The following CCDC178 variants were observed in gnomAD, a reference collection of about 807,000 sequenced individuals.
CCDC178 encodes the protein coiled-coil domain containing 178, also known as coiled-coil domain-containing protein 178.
A neutral mutation model predicts 117.4 loss-of-function variants in CCDC178; 126 were observed. The ratio of observed to expected loss-of-function variants is 1.07; its 90% CI spans 0.93 to 1.24. CCDC178 has a LOEUF of 1.24. Among genes scored for constraint, CCDC178 ranks in the 50% most tolerant of loss-of-function variants. The pLI is 0.00. For missense variants in CCDC178, 1,030 were observed against 986.9 expected, an observed-to-expected ratio of 1.04 and a Z score of -0.59; for synonymous variants, 283 against 313.4, an observed-to-expected ratio of 0.90 and a Z score of 1.02.
intron 3 of CCDC178, among the ~76,000 whole-genome samples, chr18:33,407,659 A>G (rs1352704242): frequency 6.6e-6 from 1 of 152,080 alleles, no homozygotes; most frequent in Admixed American, 6.6e-5. Context: ...ACACTATTGT[A>G]CAACAGTATT....
chr18:33,410,819 T>C (rs1483923651), intron 3 of CCDC178, among the ~76,000 whole-genome samples: 1 of 152,176 alleles, frequency 6.6e-6, no homozygotes, highest in Non-Finnish European at 1.5e-5. Flanking sequence ...ACAGAAATGA[T>C]AGGGCACCAG....
At chr18:33,420,347 A>G (rs1267057698) in intron 2 of CCDC178, among the ~76,000 whole-genome samples, 1 of 151,924 alleles carries the variant, frequency 6.6e-6, no homozygotes, top group Non-Finnish European at 1.5e-5. Flanking sequence ...ATAATTGTGG[A>G]TTTGCCATTA....
intron 6 of CCDC178, among the ~76,000 whole-genome samples, chr18:33,361,473 A>T (rs573245459): frequency 1.3e-5 from 2 of 151,844 alleles, no homozygotes; most frequent in South Asian, 4.1e-4. Flanking sequence ...GACTTCAAAG[A>T]CAAAAATACA....
chr18:33,151,254 T>C (rs1036946116), intron 20 of CCDC178, among the ~76,000 whole-genome samples: 12 of 151,248 alleles, frequency 7.9e-5, no homozygotes, highest in Non-Finnish European at 1.5e-4. Flanking sequence ...TAAATAGCAA[T>C]AAATAAATAA....
chr18:33,141,425 G>C (rs1244240913), intron 20 of CCDC178, among the ~76,000 whole-genome samples: 1 of 152,148 alleles, frequency 6.6e-6, no homozygotes, highest in Non-Finnish European at 1.5e-5. Flanking sequence ...TCTTCCTGCA[G>C]ATCAGAAGCA....
chr18:33,354,667 G>A (rs1190261183), intron 7 of CCDC178, among the ~76,000 whole-genome samples: 3 of 149,454 alleles, frequency 2.0e-5, no homozygotes, highest in African/African-American at 7.4e-5. Flanking sequence ...TTGGAATGCA[G>A]TGGCACGATC....
chr18:33,329,950 CTTTTT>C (rs1205443998), intron 10 of CCDC178, among the ~76,000 whole-genome samples: 3 of 64,490 alleles, frequency 4.7e-5, no homozygotes, highest in Non-Finnish European at 6.4e-5. Flanking sequence ...TGGTCCTGGG[CTTTTT>C]TTTTTTTTTT....
chr18:33,297,538 T>C (rs1000266640), intron 11 of CCDC178, among the ~76,000 whole-genome samples: 4 of 152,154 alleles, frequency 2.6e-5, no homozygotes, highest in East Asian at 1.9e-4. Flanking sequence ...GAGATTACTA[T>C]AAACAATTTA....
intron 20 of CCDC178, among the ~76,000 whole-genome samples, chr18:33,118,834 A>G (rs1370311576): frequency 6.6e-6 from 1 of 152,222 alleles, no homozygotes; most frequent in African/African-American, 2.4e-5. Context: ...TACTGGTACC[A>G]AAACAGAGAT....
intron 22 of CCDC178, among the ~76,000 whole-genome samples, chr18:32,964,275 T>C (rs1371448028): frequency 1.3e-5 from 2 of 152,136 alleles, no homozygotes; most frequent in East Asian, 1.9e-4. Context: ...AACTAAGCAT[T>C]TGTTTTCTTT....
intron 14 of CCDC178, among the ~76,000 whole-genome samples, chr18:33,258,461 G>A (rs938369610): frequency 4.6e-5 from 7 of 152,092 alleles, no homozygotes; most frequent in African/African-American, 1.7e-4. Context: ...AGGTGACACC[G>A]AATATTCTTG....
At chr18:32,952,031 G>A (rs1429479153) in intron 22 of CCDC178, among the ~76,000 whole-genome samples, 1 of 147,392 alleles carries the variant, frequency 6.8e-6, no homozygotes, top group African/African-American at 2.5e-5. Flanking sequence ...ACAGCCTTGG[G>A]CAGCTCCGCC....
intron 20 of CCDC178, among the ~76,000 whole-genome samples, chr18:33,147,141 C>CTTTTTTT (rs963180337): frequency 4.3e-5 from 5 of 117,390 alleles, no homozygotes; most frequent in African/African-American, 1.3e-4. Flanking sequence ...TAGCTGATTT[C>CTTTTTTT]TTTTTTTTTT....
intron 20 of CCDC178, among the ~76,000 whole-genome samples, chr18:33,145,413 A>G (rs1396271336): frequency 2.0e-5 from 3 of 152,334 alleles, no homozygotes; most frequent in East Asian, 3.9e-4. Flanking sequence ...CCAACTTGTT[A>G]TAGTCCTCTT....
At chr18:33,090,814 C>T (rs988487034) in intron 21 of CCDC178, among the ~76,000 whole-genome samples, 1 of 152,182 alleles carries the variant, frequency 6.6e-6, no homozygotes, top group East Asian at 1.9e-4. Context: ...TGAGGGATCA[C>T]AAACATAAAC....
chr18:33,336,519 A>C (rs1210764262), intron 9 of CCDC178, among the ~76,000 whole-genome samples: 1 of 152,128 alleles, frequency 6.6e-6, no homozygotes, highest in Non-Finnish European at 1.5e-5. Context: ...CTACATGAGC[A>C]AATCTGACAA....
At chr18:33,045,403 C>A (rs1335258370) in intron 21 of CCDC178, among the ~76,000 whole-genome samples, 1 of 152,106 alleles carries the variant, frequency 6.6e-6, no homozygotes, top group Non-Finnish European at 1.5e-5. Context: ...TAGTTTTCAA[C>A]AAAGTGCTGA....
chr18:33,238,307 A>C (rs1328594225), intron 15 of CCDC178, among the ~76,000 whole-genome samples: 1 of 152,164 alleles, frequency 6.6e-6, no homozygotes, highest in Non-Finnish European at 1.5e-5. Flanking sequence ...TACCCCAATA[A>C]TAAAGAAATA....
chr18:33,427,544 T>C (rs1368305779), intron 2 of CCDC178, among the ~76,000 whole-genome samples: 1 of 152,214 alleles, frequency 6.6e-6, no homozygotes, highest in Non-Finnish European at 1.5e-5. Flanking sequence ...TTCTCTTTCT[T>C]TGATAAAGTT....
Sources: gnomAD v4.1 joint callset for allele counts (sites outside exome capture counted in the v4.1 genomes callset) on GRCh38, gnomAD v4.1.1 for gene constraint, MANE v1.5 for transcripts, NCBI Gene and HGNC (gene_info 2026-07-23, HGNC 2026-07-21) for gene names.